The following PRELID2 variants were observed in gnomAD, a reference collection of about 807,000 sequenced individuals.
PRELID2 encodes PRELI domain containing 2.
A neutral mutation model predicts 28.4 loss-of-function variants in PRELID2; 25 were observed. The ratio of observed to expected loss-of-function variants is 0.88; its 90% confidence interval spans 0.64 to 1.23. The LOEUF (loss-of-function observed/expected upper bound fraction) is 1.23, where lower values mean the gene tolerates loss of function less well. Among genes scored for constraint, PRELID2 ranks in the 50% most tolerant of loss-of-function variants. The pLI is 0.00. For missense variants in PRELID2, 201 were observed against 214.4 expected, an observed-to-expected ratio of 0.94 and a Z score of 0.39; for synonymous variants, 76 against 71.6, an observed-to-expected ratio of 1.06 and a Z score of -0.31.
In PRELID2 at chr5:145,775,878, G is replaced by T. The variant is rs560769597; in HGVS notation, c.475-10878C>A. Among the ~76,000 whole-genome samples the T allele has an allele frequency of 3.3e-5, 5 of 152,174 alleles. No individual in the cohort carries two copies. In the East Asian group the frequency reaches 9.7e-4, roughly 29 times the overall value. ...GGCAAGTTTAGGAAGTGACGTTTGT[G>T]TTTTAATTCCACACACTTAACATTA... On this transcript the variant is annotated intron_variant, in intron 5 of 6. Transcript: ENST00000683046.
chr5:145,243,438 A>G, the PRELID2 span, among the ~76,000 whole-genome samples: 2 of 152,080 alleles, frequency 1.3e-5, no homozygotes, highest in Non-Finnish European at 2.9e-5. Flanking sequence ...TTAAAAAAAA[A>G]GAAAAGGAAA....
At chr5:145,774,570 C>T (rs1489813665) in intron 5 of PRELID2, among the ~76,000 whole-genome samples, 2 of 152,210 alleles carry the variant, frequency 1.3e-5, no homozygotes, top group African/African-American at 4.8e-5. Context: ...GGGACTCCCG[C>T]AGTGAGGCAC....
At chr5:145,794,995 G>A (rs567749001) in intron 5 of PRELID2, 23 of 152,108 alleles carry the variant, frequency 1.5e-4, no homozygotes, top group African/African-American at 5.3e-4. Context: ...TAAGGAACAC[G>A]AATTTTGAAC....
chr5:145,404,332 G>A, the PRELID2 span, among the ~76,000 whole-genome samples: 1 of 152,150 alleles, frequency 6.6e-6, no homozygotes, highest in Non-Finnish European at 1.5e-5. Flanking sequence ...CCTTCAAAAG[G>A]ACAACACAAG....
At chr5:145,277,333 TAAAG>T in the PRELID2 span, among the ~76,000 whole-genome samples, 1 of 152,208 alleles carries the variant, frequency 6.6e-6, no homozygotes, top group African/African-American at 2.4e-5. Context: ...CTCATAAAAA[TAAAG>T]AAATATGTTT....
chr5:145,264,298 TCAAGTAGGTTTC>T, the PRELID2 span, among the ~76,000 whole-genome samples: 1 of 152,076 alleles, frequency 6.6e-6, no homozygotes, highest in South Asian at 2.1e-4. Context: ...TCTACCATGA[TCAAGTAGGTTTC>T]ATACCAGGGA....
the PRELID2 span, among the ~76,000 whole-genome samples, chr5:145,336,485 T>C: frequency 1.3e-5 from 2 of 151,962 alleles, no homozygotes; most frequent in Admixed American, 6.6e-5. Context: ...TTCAGCTTTC[T>C]ACATATGGCT....
chr5:145,257,821 G>A, the PRELID2 span, among the ~76,000 whole-genome samples: 2 of 152,112 alleles, frequency 1.3e-5, no homozygotes, highest in African/African-American at 2.4e-5. Context: ...GTTTTCATAC[G>A]TGTTCCCACC....
intron 1 of PRELID2, among the ~76,000 whole-genome samples, chr5:145,514,742 T>C (rs181554381): frequency 3.7e-3 from 566 of 152,120 alleles, no homozygotes; most frequent in Middle Eastern, 0.014. Flanking sequence ...TACCATATAA[T>C]TGGAAGTAAA....
chr5:145,824,566 C>T lies in PRELID2; in HGVS notation c.76-1432G>A, dbSNP rs1755054762. On this transcript the variant is annotated intron_variant, in intron 1 of 6. Transcript: ENST00000683046. ...AAAAGACACTAGATTAGAACACAGG[C>T]TCTCTGAGGGCAGGAATACTGTCTA... Among the ~76,000 whole-genome samples the T allele has an allele frequency of 4.6e-5, 7 of 152,018 alleles. No homozygotes were observed. In the South Asian group the frequency reaches 1.5e-3, roughly 32 times the overall value.
chr5:145,303,492 A>T, the PRELID2 span, among the ~76,000 whole-genome samples: 1 of 152,142 alleles, frequency 6.6e-6, no homozygotes, highest in East Asian at 1.9e-4. Context: ...GTGCCCTGGG[A>T]TCACATCTGT....
intron 1 of PRELID2, among the ~76,000 whole-genome samples, chr5:145,751,091 C>T (rs1438610035): frequency 2.0e-5 from 3 of 152,124 alleles, no homozygotes; most frequent in Admixed American, 6.5e-5. Flanking sequence ...GAGGAAACAG[C>T]GTTTCCCAAA....
chr5:145,764,040 C>A (rs1347274238), intron 6 of PRELID2, among the ~76,000 whole-genome samples: 2 of 151,948 alleles, frequency 1.3e-5, no homozygotes, highest in African/African-American at 4.8e-5. Flanking sequence ...CTGCAGTGAG[C>A]CGAGATCACA....
the PRELID2 span, among the ~76,000 whole-genome samples, chr5:145,283,357 T>C: frequency 2.6e-5 from 4 of 152,200 alleles, no homozygotes; most frequent in African/African-American, 9.6e-5. Flanking sequence ...AAGTAATGAT[T>C]CATTTTAGAA....
At chr5:145,619,197 G>C (rs1221796050) in intron 1 of PRELID2, among the ~76,000 whole-genome samples, 1 of 152,198 alleles carries the variant, frequency 6.6e-6, no homozygotes, top group Non-Finnish European at 1.5e-5. Flanking sequence ...CTTCTGGCCA[G>C]GAGGTTTCTC....
chr5:145,687,186 G>A (rs1755053734), intron 1 of PRELID2, among the ~76,000 whole-genome samples: 2 of 152,162 alleles, frequency 1.3e-5, no homozygotes, highest in Non-Finnish European at 2.9e-5. Flanking sequence ...CAGTGTTAAT[G>A]GGACTCTTCT....
chr5:145,592,363 T>C (rs939072754), intron 1 of PRELID2, among the ~76,000 whole-genome samples: 3 of 151,996 alleles, frequency 2.0e-5, no homozygotes, highest in Admixed American at 1.3e-4. Flanking sequence ...GAGGCTGCAG[T>C]GAGCCAAGAT....
At chr5:145,264,567 C>G in the PRELID2 span, among the ~76,000 whole-genome samples, 2 of 152,060 alleles carry the variant, frequency 1.3e-5, no homozygotes, top group South Asian at 4.2e-4. Flanking sequence ...AAAGCAACCC[C>G]CCAGAGAACT....
intron 1 of PRELID2, among the ~76,000 whole-genome samples, chr5:145,658,517 T>A (rs765271535): frequency 6.6e-6 from 1 of 152,188 alleles, no homozygotes; most frequent in Non-Finnish European, 1.5e-5. Flanking sequence ...CTTAGTGCCA[T>A]CCCCTTGGTG....
Sources: allele counts gnomAD v4.1 joint callset (sites outside exome capture counted in the v4.1 genomes callset), GRCh38; gene constraint gnomAD v4.1.1; transcripts MANE v1.5; gene names NCBI Gene and HGNC (gene_info 2026-07-23, HGNC 2026-07-21).